The following DIS3L2 variants were observed in gnomAD, a reference collection of about 807,000 sequenced individuals.
DIS3L2 encodes the protein DIS3-like exonuclease 2.
A neutral mutation model predicts 97.5 loss-of-function variants in DIS3L2; 34 were observed. The ratio of observed to expected loss-of-function variants is 0.35; its 90% CI spans 0.27 to 0.46. The LOEUF is 0.46. DIS3L2 is among the 20% of genes least tolerant of loss of function. The pLI is 1.00. For missense variants in DIS3L2, 1,038 were observed against 1,146.0 expected (o/e 0.91, Z 1.36); for synonymous variants, 435 against 445.2 (o/e 0.98, Z 0.29).
intron 1 of DIS3L2, among the ~76,000 whole-genome samples, chr2:231,999,688 CTT>C (rs1399478814): frequency 6.6e-6 from 1 of 152,140 alleles, no homozygotes; most frequent in Admixed American, 6.5e-5. Flanking sequence ...TTTATTTACA[CTT>C]ATTTTTTGTT....
chr2:232,140,618 A>G (rs1698484605), intron 8 of DIS3L2, among the ~76,000 whole-genome samples: 1 of 152,202 alleles, frequency 6.6e-6, no homozygotes, highest in African/African-American at 2.4e-5. Flanking sequence ...TAACAGAAGG[A>G]TTGAATAGAA....
chr2:232,238,896 G>A (rs1574965235), intron 11 of DIS3L2, among the ~76,000 whole-genome samples: 1 of 152,154 alleles, frequency 6.6e-6, no homozygotes, highest in African/African-American at 2.4e-5. Flanking sequence ...GGCAAACTCA[G>A]CCCACACTAG....
At chr2:232,329,785 T>TCCCCGGGGGGCCCCCCCCCCCC in intron 14 of DIS3L2, 28 bp from the exon 15 acceptor site, 1 of 967,142 alleles carries the variant, frequency 1.0e-6, no homozygotes, top group Non-Finnish European at 1.5e-6. Context: ...ACCCCAGCGG[T>TCCCCGGGGGGCCCCCCCCCCCC]CCCTCCCATC....
chr2:232,342,261 A>G (rs1172428471), intron 13 of DIS3L2, among the ~76,000 whole-genome samples: 1 of 148,156 alleles, frequency 6.7e-6, no homozygotes, highest in Non-Finnish European at 1.5e-5. Context: ...ACATACACAC[A>G]TACACATATA....
intron 1 of DIS3L2, among the ~76,000 whole-genome samples, chr2:231,997,407 ACT>A (rs1406065578): frequency 2.0e-5 from 3 of 152,216 alleles, no homozygotes; most frequent in African/African-American, 7.2e-5. Context: ...TACTGACATA[ACT>A]CTCATTTGAG....
At chr2:231,987,896 A>G (rs1392622230) in intron 1 of DIS3L2, among the ~76,000 whole-genome samples, 1 of 151,846 alleles carries the variant, frequency 6.6e-6, no homozygotes, top group African/African-American at 2.4e-5. Flanking sequence ...CTGGAGTGCA[A>G]TGGCACGATC....
intron 5 of DIS3L2, among the ~76,000 whole-genome samples, chr2:232,041,113 G>A (rs185382342): frequency 1.3e-5 from 2 of 152,272 alleles, no homozygotes; most frequent in East Asian, 3.9e-4. Flanking sequence ...TTGTATCTTA[G>A]GACTGGAGAG....
chr2:232,126,756 T>TC (rs899392777), intron 6 of DIS3L2, among the ~76,000 whole-genome samples: 7 of 152,168 alleles, frequency 4.6e-5, no homozygotes, highest in African/African-American at 1.7e-4. Flanking sequence ...CAGTGACTAG[T>TC]CCCTCCCACA....
chr2:232,188,139 C>T (rs1274857869), intron 9 of DIS3L2, among the ~76,000 whole-genome samples: 1 of 150,028 alleles, frequency 6.7e-6, no homozygotes, highest in Non-Finnish European at 1.5e-5. Context: ...GACTCTGTCT[C>T]AAAAAAAAGT....
At chr2:232,315,847 G>A (rs1417035211) in intron 14 of DIS3L2, among the ~76,000 whole-genome samples, 3 of 152,176 alleles carry the variant, frequency 2.0e-5, no homozygotes, top group Non-Finnish European at 4.4e-5. Flanking sequence ...AACACAGCAA[G>A]GCCTGGCTGA....
chr2:232,303,439 A>G lies in DIS3L2; in HGVS notation c.1739+3320A>G, dbSNP rs113160865. On this transcript the variant is annotated intron_variant, in intron 14 of 20. Coordinates refer to ENST00000325385, the MANE Select transcript of DIS3L2 (RefSeq NM_152383.5). Reference sequence around the variant, plus strand: ...AGTAACATGAAGACAATACCAGCAGAGAGAGGAAATTCTACAGATGAAAAA... The same window carrying G: ...AGTAACATGAAGACAATACCAGCAGGGAGAGGAAATTCTACAGATGAAAAA... Among the ~76,000 whole-genome samples the G allele has an allele frequency of 8.6e-3, 1,305 of 152,352 alleles. 17 individuals carry two copies. Among genetic ancestry groups the G allele is most frequent in the African/African-American group, 0.029 (1,220 of 41,586 alleles).
intron 6 of DIS3L2, among the ~76,000 whole-genome samples, chr2:232,090,122 T>A (rs966727830): frequency 6.6e-6 from 1 of 152,100 alleles, no homozygotes; most frequent in African/African-American, 2.4e-5. Context: ...TGTTGTTTTT[T>A]AATACAGCCC....
rs112867258 is a variant in DIS3L2 at position 232,195,552 on chromosome 2, G to A, written c.1125-14774G>A. ...TGAGTCAGTTCCTGGGGTGGGGTGC[G>A]GTGGGGTGGGGTGGGGTAGGGGTGG... On this transcript the variant is annotated intron_variant, in intron 9 of 20. Coordinates refer to ENST00000325385, the MANE Select transcript of DIS3L2 (RefSeq NM_152383.5). Among the ~76,000 whole-genome samples the A allele has an allele frequency of 2.6e-4, 39 of 148,396 alleles. 1 individual carries two copies. Among genetic ancestry groups the A allele is most frequent in the African/African-American group, 8.7e-4 (35 of 40,314 alleles).
chr2:231,999,521 C>T (rs1387756490), intron 1 of DIS3L2, among the ~76,000 whole-genome samples: 2 of 152,086 alleles, frequency 1.3e-5, no homozygotes, highest in Non-Finnish European at 1.5e-5. Flanking sequence ...CTAGCCTTTC[C>T]ACTTTTCCAT....
At chr2:232,156,690 A>G (rs912661522) in intron 8 of DIS3L2, among the ~76,000 whole-genome samples, 10 of 152,158 alleles carry the variant, frequency 6.6e-5, no homozygotes, top group Non-Finnish European at 1.0e-4. Flanking sequence ...ATCCTGGAGG[A>G]TAGCATTCCA....
chr2:232,130,557 T>C, intron 6 of DIS3L2, 62 bp from the exon 7 acceptor site: 6 of 1,536,122 alleles, frequency 3.9e-6, no homozygotes, highest in Non-Finnish European at 5.3e-6. Context: ...AATTTTAAAA[T>C]CCCACTAATT....
chr2:232,303,568 CTGTT>C (rs1416465472), intron 14 of DIS3L2, among the ~76,000 whole-genome samples: 3 of 152,220 alleles, frequency 2.0e-5, no homozygotes, highest in African/African-American at 7.2e-5. Context: ...GCATTCATCT[CTGTT>C]TGCCAAATTC....
Position 232,096,164 on chromosome 2 carries a change from G to A in DIS3L2, c.601+8443G>A, listed in dbSNP as rs560953598. On this transcript the variant is annotated intron_variant, in intron 6 of 20. Transcript: ENST00000325385. ...TGCAGTGGCGTGATCTCGGCTCACT[G>A]GAAGCGCTGCCTCCTGGGTTCATGC... 8.6e-5 allele frequency among the ~76,000 whole-genome samples: 13 copies of A among 150,640 alleles called. No homozygotes were observed. The South Asian group carries it at 2.7e-3, about 32-fold the overall frequency.
chr2:232,120,825 A>G (rs1471125965), intron 6 of DIS3L2, among the ~76,000 whole-genome samples: 1 of 152,022 alleles, frequency 6.6e-6, no homozygotes, highest in Admixed American at 6.6e-5. Flanking sequence ...TTTCGATACA[A>G]TGAAGTTGGC....
Sources: allele counts gnomAD v4.1 joint callset (sites outside exome capture counted in the v4.1 genomes callset), GRCh38; gene constraint gnomAD v4.1.1; transcripts MANE v1.5; gene names NCBI Gene and HGNC (gene_info 2026-07-23, HGNC 2026-07-21).